PCDHGB2: variants seen among roughly 807,000 people sequenced by gnomAD.
PCDHGB2 encodes the protein protocadherin gamma-B2.
PCDHGB2 carries 55 observed loss-of-function variants against 59.3 expected under a neutral mutation model. That is an observed-to-expected ratio of 0.93 (90% CI 0.75 to 1.16). The LOEUF (loss-of-function observed/expected upper bound fraction) is 1.16. PCDHGB2 is among the 50% of genes most tolerant of loss of function. The pLI, the probability that PCDHGB2 is intolerant of heterozygous loss-of-function variation, is 0.00. For missense variants in PCDHGB2, 1,228 were observed against 1,198.5 expected (o/e 1.02, Z -0.36); for synonymous variants, 516 against 512.0 (o/e 1.01, Z -0.11).
intron 1 of PCDHGB2, chr5:141,427,469 C>A: frequency 2.0e-6 from 1 of 510,092 alleles, no homozygotes; most frequent in Non-Finnish European, 3.8e-6. Flanking sequence ...TCGAATCTTC[C>A]GCCAATAATG....
Position 141,360,456 on chromosome 5 carries a change from T to C in PCDHGB2, c.321T>C (p.Asp107=). The C allele has an allele frequency of 6.2e-7, 1 of 1,613,990 alleles. No homozygotes were observed. The highest frequency in any genetic ancestry group is 8.5e-7 in the Non-Finnish European group (1 of 1,179,872). ...AGCCTCTGTGTGTTCTGGATTTCGA[T>C]ACTGTCGCTGAAAATCCACTAAATA... ...GKQPLCVLDF[D]TVAENPLNIF... Residue 107 remains aspartate (D), a synonymous_variant, in exon 1 of 4, where the codon GAT becomes GAC. Coordinates refer to ENST00000522605, the MANE Select transcript of PCDHGB2 (RefSeq NM_018923.3).
At chr5:141,365,366 G>T (rs764735476) in intron 1 of PCDHGB2, 1 of 1,613,792 alleles carries the variant, frequency 6.2e-7, no homozygotes, top group South Asian at 1.1e-5. Context: ...CAATGCCCCC[G>T]AAGTGATCCT....
intron 1 of PCDHGB2, chr5:141,442,490 T>C (rs2098328971): frequency 6.6e-6 from 1 of 152,222 alleles, no homozygotes; most frequent in South Asian, 2.1e-4. Flanking sequence ...AAGGGGATGA[T>C]TGTGATTATT....
rs61612330 is a variant in PCDHGB2 at position 141,454,796 on chromosome 5, ATTTTTTTT to A, written c.2422-39989_2422-39982del. Reference sequence around the variant, plus strand: ...AAGGAAATAATCCTCCATGGTTCTAATTTTTTTTTTTTTTTTTTTTTTTTTTTTTGAGA... The same window carrying A: ...AAGGAAATAATCCTCCATGGTTCTAATTTTTTTTTTTTTTTTTTTTTGAGA... On this transcript the variant is annotated intron_variant, in intron 1 of 3. Transcript: ENST00000522605. Among the ~76,000 whole-genome samples, 398 of 77,454 alleles carry A rather than the reference ATTTTTTTT, an allele frequency of 5.1e-3. 2 individuals are homozygous for A. The highest frequency in any genetic ancestry group is 0.021 in the African/African-American group (363 of 16,886). 50.8% of individuals were successfully genotyped at this position (77,454 alleles called of 152,430 possible).
At chr5:141,435,052 T>C (rs922871138) in intron 1 of PCDHGB2, among the ~76,000 whole-genome samples, 1 of 152,174 alleles carries the variant, frequency 6.6e-6, no homozygotes, top group African/African-American at 2.4e-5. Context: ...CCATTGACCA[T>C]GCAGCAGTTT....
At chr5:141,387,435 A>G (rs988959651) in intron 1 of PCDHGB2, among the ~76,000 whole-genome samples, 1 of 152,240 alleles carries the variant, frequency 6.6e-6, no homozygotes, top group African/African-American at 2.4e-5. Flanking sequence ...ATGTTTATGT[A>G]CTTAATCTAC....
rs761938460 is a variant in PCDHGB2 at position 141,393,330 on chromosome 5, AG to A, written c.2421+30775del. On this transcript the variant is annotated intron_variant, in intron 1 of 3. Coordinates refer to ENST00000522605, the MANE Select transcript of PCDHGB2 (RefSeq NM_018923.3). The stretch of plus-strand genomic sequence containing the variant: ...GAACTCCCTCCAGAGCTACCAGCTC[AG>A]CCCCAATCACCACTTCTCCCTGGAC... The A allele has an allele frequency of 3.7e-6, 6 of 1,611,072 alleles. No individual in the cohort carries two copies. In the African/African-American group the frequency reaches 6.8e-5, roughly 18 times the overall value.
At chr5:141,452,240 C>G (rs1365703172) in intron 1 of PCDHGB2, among the ~76,000 whole-genome samples, 1 of 152,084 alleles carries the variant, frequency 6.6e-6, no homozygotes, top group Non-Finnish European at 1.5e-5. Flanking sequence ...TTCTTGTGTC[C>G]TTTTGCCATA....
At chr5:141,395,216 G>T in intron 1 of PCDHGB2, 1 of 1,612,150 alleles carries the variant, frequency 6.2e-7, no homozygotes, top group Non-Finnish European at 8.5e-7. Context: ...ATGAATATAA[G>T]AATGAAGCTG....
intron 2 of PCDHGB2, among the ~76,000 whole-genome samples, chr5:141,503,393 G>A (rs954734829): frequency 2.0e-5 from 3 of 151,824 alleles, no homozygotes; most frequent in African/African-American, 4.8e-5. Flanking sequence ...TCAGGAGTTC[G>A]AAACCAACCT....
chr5:141,466,203 C>G (rs1291051063), intron 1 of PCDHGB2, among the ~76,000 whole-genome samples: 1 of 151,914 alleles, frequency 6.6e-6, no homozygotes, highest in Non-Finnish European at 1.5e-5. Context: ...CACAGCCTTG[C>G]TCTGTTACCC....
At position 141,398,050 on chromosome 5, in the gene PCDHGB2, T is replaced by C. The variant is rs558695876; in HGVS notation, c.2421+35494T>C. Reference sequence around the variant, plus strand: ...ACTGGAACTAAAGCCCGTTCGGAGATCCAAAAATCTACAATACAGAGGTTA... The same window carrying C: ...ACTGGAACTAAAGCCCGTTCGGAGACCCAAAAATCTACAATACAGAGGTTA... On this transcript the variant is annotated intron_variant, in intron 1 of 3. Coordinates refer to ENST00000522605, the MANE Select transcript of PCDHGB2 (RefSeq NM_018923.3). 12 of 1,510,524 alleles carry C rather than the reference T, an allele frequency of 7.9e-6. No individual in the cohort carries two copies. The African/African-American group carries it at 1.1e-4, about 14-fold the overall frequency. 93.6% of individuals were successfully genotyped at this position (1,510,524 alleles called of 1,614,324 possible). A position where few individuals can be genotyped will look rare whatever the true frequency, so the allele number is the denominator to read the frequency against.
intron 1 of PCDHGB2, chr5:141,427,739 C>G: frequency 2.4e-6 from 3 of 1,232,634 alleles, no homozygotes; most frequent in Non-Finnish European, 3.5e-6. Context: ...ATGGCCAAGT[C>G]TCCTACTCCA....
chr5:141,395,084 C>A (rs757269551), intron 1 of PCDHGB2: 1 of 1,614,190 alleles, frequency 6.2e-7, no homozygotes, highest in South Asian at 1.1e-5. Flanking sequence ...CCCAGGAAGT[C>A]TCCCTCACCG....
At chr5:141,467,280 T>G (rs1021597111) in intron 1 of PCDHGB2, among the ~76,000 whole-genome samples, 58 of 152,272 alleles carry the variant, frequency 3.8e-4, no homozygotes, top group Admixed American at 2.6e-4. Flanking sequence ...CTCGAACTCT[T>G]GACCTCAAGT....
intron 1 of PCDHGB2, chr5:141,365,005 C>T (rs1329280545): frequency 1.2e-6 from 2 of 1,613,788 alleles, no homozygotes; most frequent in South Asian, 1.1e-5. Flanking sequence ...TCTCCGGCAC[C>T]ACGCACATCC....
intron 1 of PCDHGB2, chr5:141,399,681 C>A (rs2093865042): frequency 1.2e-6 from 2 of 1,613,408 alleles, no homozygotes; most frequent in Non-Finnish European, 1.7e-6. Flanking sequence ...CCTTTGACTA[C>A]GAGCAGCTGC....
chr5:141,477,512 A>G lies in PCDHGB2; in HGVS notation c.2422-17295A>G. 1.9e-6 allele frequency: 3 copies of G among 1,614,156 alleles called. No homozygotes were observed. Among genetic ancestry groups the G allele is most frequent in the South Asian group, 2.2e-5 (2 of 91,072 alleles). ...TTCTCAATCTTCCTACGACGTTTAC[A>G]TTGAAGAAAACAACCTCCCCGGGGC... On this transcript the variant is annotated intron_variant, in intron 1 of 3. Transcript: ENST00000522605. This position sits in a 1 kb window ranked among gnomAD's most constrained non-coding sequence, Gnocchi z 4.9.
At chr5:141,376,944 C>T (rs1773563928) in intron 1 of PCDHGB2, 1 of 167,020 alleles carries the variant, frequency 6.0e-6, no homozygotes, top group Non-Finnish European at 1.3e-5. Context: ...GCCTCGGCCT[C>T]CCAAAGTGCT....
Sources: allele counts gnomAD v4.1 joint callset (sites outside exome capture counted in the v4.1 genomes callset), GRCh38; gene constraint gnomAD v4.1.1; non-coding constraint Gnocchi (gnomAD v3.1); transcripts MANE v1.5; gene names NCBI Gene and HGNC (gene_info 2026-07-23, HGNC 2026-07-21).